Variants in VPS13B observed in about 807,000 individuals in gnomAD.
The protein encoded by VPS13B is intermembrane lipid transfer protein VPS13B.
Under a neutral mutation model 426.4 loss-of-function variants are expected in VPS13B, and 285 were observed. The ratio of observed to expected loss-of-function variants is 0.67; its 90% CI spans 0.61 to 0.74. The LOEUF (loss-of-function observed/expected upper bound fraction) is 0.74, where lower values mean the gene tolerates loss of function less well. Among genes scored for constraint, VPS13B ranks in the 30% least tolerant of loss-of-function variants. VPS13B has a pLI of 0.00. For synonymous variants in VPS13B, 1,676 were observed against 1,676.4 expected, an observed-to-expected ratio of 1.00 and a Z score of 0.01; for missense variants, 4,537 against 4,782.6, an observed-to-expected ratio of 0.95 and a Z score of 1.51.
chr8:99,503,087 G>A (rs1327748656), intron 27 of VPS13B, 137 bp downstream of exon 27: 1 of 646,008 alleles, frequency 1.5e-6, no homozygotes, highest in Non-Finnish European at 2.7e-6. Flanking sequence ...TTGAGAGTTT[G>A]GCTCCAGACT....
At chr8:99,468,899 C>T (rs187316878) in intron 24 of VPS13B, among the ~76,000 whole-genome samples, 1 of 152,236 alleles carries the variant, frequency 6.6e-6, no homozygotes, top group African/African-American at 2.4e-5. Context: ...TATCAGCTTG[C>T]ATTCCATATT....
intron 40 of VPS13B, among the ~76,000 whole-genome samples, chr8:99,773,509 A>G (rs921320041): frequency 6.6e-6 from 1 of 152,172 alleles, no homozygotes; most frequent in African/African-American, 2.4e-5. Flanking sequence ...TGTTTAAAGA[A>G]TTGATCCCCT....
intron 55 of VPS13B, among the ~76,000 whole-genome samples, chr8:99,849,848 T>C (rs1816167113): frequency 6.6e-6 from 1 of 152,134 alleles, no homozygotes; most frequent in Non-Finnish European, 1.5e-5. Context: ...CATATTATAA[T>C]CTAAAATAAA....
chr8:99,562,017 C>T (rs1299866496), intron 31 of VPS13B, among the ~76,000 whole-genome samples: 6 of 152,142 alleles, frequency 3.9e-5, no homozygotes, highest in Non-Finnish European at 8.8e-5. Context: ...ATGGCTGAAC[C>T]ATTTTGTATT....
At chr8:99,612,076 G>C (rs1054673271) in intron 33 of VPS13B, among the ~76,000 whole-genome samples, 1 of 152,086 alleles carries the variant, frequency 6.6e-6, no homozygotes, top group African/African-American at 2.4e-5. Context: ...CAAAGGTCCT[G>C]TTATTGGTAA....
In VPS13B at chr8:99,793,254, C is replaced by CATATATATATATATAT. The variant is rs779913773; in HGVS notation, c.7941+8794_7941+8809dup. Among the ~76,000 whole-genome samples the CATATATATATATATAT allele has an allele frequency of 6.9e-3, 741 of 106,804 alleles. 2 individuals are homozygous for CATATATATATATATAT. The highest frequency in any genetic ancestry group is 8.4e-3 in the Non-Finnish European group (438 of 52,346). 70.1% of individuals were successfully genotyped at this position (106,804 alleles called of 152,430 possible). On this transcript the variant is annotated intron_variant, in intron 43 of 61. Transcript: ENST00000357162. ...TTTGGAGACAGGGTCTTGCCCTCTC[C>CATATATATATATATAT]ATATATATATATATATATATATATA...
In VPS13B at chr8:99,720,448, C is replaced by T; in HGVS notation, c.6761C>T (p.Pro2254Leu). Residue 2254 changes from proline (P) to leucine (L), a missense_variant, in exon 38 of 62, where the codon CCA becomes CTA. Transcript: ENST00000357162. The stretch of plus-strand genomic sequence containing the variant: ...AATTTTGAAGTACAAGTTTCTGAAC[C>T]AGTGCCTCAAATGTCATCTCCTGTG... Reference protein sequence around the residue: ...EGNFEVQVSEPVPQMSSPVEK... With the variant: ...EGNFEVQVSELVPQMSSPVEK... The T allele has an allele frequency of 6.2e-7, 1 of 1,613,870 alleles. No homozygotes were observed. Among genetic ancestry groups the T allele is most frequent in the Non-Finnish European group, 8.5e-7 (1 of 1,179,886 alleles).
intron 39 of VPS13B, among the ~76,000 whole-genome samples, chr8:99,760,562 GGA>G (rs1425006638): frequency 2.0e-5 from 3 of 151,862 alleles, no homozygotes; most frequent in Non-Finnish European, 2.9e-5. Context: ...TTTGTAGGAT[GGA>G]GAAATAAGAT....
chr8:99,142,980 C>A lies in VPS13B; in HGVS notation c.1658C>A (p.Thr553Lys), dbSNP rs920636969. ...AAAATTTGACTTCTTTTAGGTTCCACAAATCAACAAGACTTTTCTTCAGGG... is the reference window on the plus strand; with the variant it reads ...AAAATTTGACTTCTTTTAGGTTCCAAAAATCAACAAGACTTTTCTTCAGGG... The part of the protein sequence containing the change: ...TMENTSGKGS[T>K]NQQDFSSGKS... The change falls in exon 13 of 62, where the codon ACA becomes AAA. Residue 553 changes from threonine (T) to lysine (K), a missense_variant. Transcript: ENST00000357162. The A allele has an allele frequency of 1.2e-6, 2 of 1,612,988 alleles. No individual in the cohort carries two copies. Among genetic ancestry groups the A allele is most frequent in the Non-Finnish European group, 1.7e-6 (2 of 1,179,614 alleles).
In VPS13B at chr8:99,190,829, T is replaced by A. The variant is rs1002255674; in HGVS notation, c.2334-2047T>A. Among the ~76,000 whole-genome samples, 10 of 152,134 alleles carry A rather than the reference T, an allele frequency of 6.6e-5. 1 individual carries two copies. Among genetic ancestry groups the A allele is most frequent in the Admixed American group, 5.2e-4 (8 of 15,276 alleles). On this transcript the variant is annotated intron_variant, in intron 16 of 61. Transcript: ENST00000357162. ...TTATTAGAAGATAATGTTTCTTTCT[T>A]CTTCTTTTTTTTTTAAAAAATTCAC...
At chr8:99,527,707 T>A (rs1003750504) in intron 30 of VPS13B, 2 of 152,164 alleles carry the variant, frequency 1.3e-5, no homozygotes, top group South Asian at 4.1e-4. Context: ...AAAGGCAGAT[T>A]TTTAAAAATT....
At chr8:99,270,129 A>ATTTTTTTT (rs1370378172) in intron 17 of VPS13B, among the ~76,000 whole-genome samples, 6 of 16,834 alleles carry the variant, frequency 3.6e-4, no homozygotes, top group Non-Finnish European at 6.2e-4. Context: ...AGATATAAGA[A>ATTTTTTTT]TCTTTTTTTT....
At chr8:99,818,925 C>G (rs571564455) in intron 47 of VPS13B, 37 bp downstream of exon 47, 2 of 1,344,334 alleles carry the variant, frequency 1.5e-6, no homozygotes, top group African/African-American at 3.4e-5. Context: ...TTACATTTTC[C>G]TAGGAGAAAT....
chr8:99,013,976 C>T lies in VPS13B; in HGVS notation c.147+41C>T, dbSNP rs370135609. Reference sequence around the variant, plus strand: ...GTCATTAACTGGAAACAGTTTTCAGCTTGTTTAGACGGTAATCTATTGTTT... The same window carrying T: ...GTCATTAACTGGAAACAGTTTTCAGTTTGTTTAGACGGTAATCTATTGTTT... On this transcript the variant is annotated intron_variant, in intron 2 of 61. Coordinates refer to ENST00000357162, the MANE Select transcript of VPS13B (RefSeq NM_152564.5). 9.9e-6 allele frequency: 16 copies of T among 1,613,510 alleles called. No homozygotes were observed. The Admixed American group carries it at 2.2e-4, about 22-fold the overall frequency.
chr8:99,038,678 ACTTTT>A, intron 3 of VPS13B, 112 bp downstream of exon 3: 1 of 463,554 alleles, frequency 2.2e-6, no homozygotes. Flanking sequence ...TAGCTTATAT[ACTTTT>A]TTTTTTTTTT....
intron 3 of VPS13B, among the ~76,000 whole-genome samples, chr8:99,056,650 G>T (rs1843886149): frequency 6.6e-6 from 1 of 152,120 alleles, no homozygotes; most frequent in Non-Finnish European, 1.5e-5. Context: ...ATGATGTTAG[G>T]TGTGTGTTTT....
chr8:99,738,470 C>T (rs1401042052), intron 39 of VPS13B, among the ~76,000 whole-genome samples: 1 of 152,128 alleles, frequency 6.6e-6, no homozygotes. Flanking sequence ...TGAATTTTTT[C>T]TCTTTCTTAA....
intron 36 of VPS13B, among the ~76,000 whole-genome samples, chr8:99,711,607 T>C (rs1003951250): frequency 3.3e-5 from 5 of 151,736 alleles, no homozygotes; most frequent in Non-Finnish European, 7.4e-5. Flanking sequence ...GCACATAAAG[T>C]GAATAAAAAG....
At chr8:99,118,766 A>C (rs761629156) in intron 7 of VPS13B, among the ~76,000 whole-genome samples, 7 of 152,168 alleles carry the variant, frequency 4.6e-5, no homozygotes, top group Non-Finnish European at 1.0e-4. Flanking sequence ...TACCATGTGA[A>C]TATACTATAG....
Sources: allele counts gnomAD v4.1 joint callset (sites outside exome capture counted in the v4.1 genomes callset), GRCh38; gene constraint gnomAD v4.1.1; transcripts MANE v1.5; gene names NCBI Gene and HGNC (gene_info 2026-07-23, HGNC 2026-07-21).